The following RNF38 variants were observed in gnomAD, a reference collection of about 807,000 sequenced individuals.
RNF38 encodes the protein E3 ubiquitin-protein ligase RNF38.
In RNF38, 15 loss-of-function variants were observed where a neutral mutation model predicts 67.2. The ratio of observed to expected loss-of-function variants is 0.22; its 90% CI spans 0.15 to 0.34. The LOEUF is 0.34. Ranked by LOEUF, RNF38 falls within the 10% of genes least tolerant of loss-of-function variation. The pLI is 1.00. For synonymous variants in RNF38, 220 were observed against 218.8 expected, an observed-to-expected ratio of 1.01 and a Z score of -0.05; for missense variants, 524 against 639.9, an observed-to-expected ratio of 0.82 and a Z score of 1.95.
At chr9:36,424,819 A>G (rs1245991509) in intron 1 of RNF38, 1 of 181,912 alleles carries the variant, frequency 5.5e-6, no homozygotes, top group Admixed American at 6.5e-5. Context: ...GGGGATTATT[A>G]TTCATGCATT....
At position 36,487,276 on chromosome 9, in the gene RNF38, C is replaced by T. The variant is rs1840440458; in HGVS notation, n.241+32G>A. On this transcript the variant is annotated intron_variant and non_coding_transcript_variant, in intron 1 of 3. Transcript: ENST00000488058. ...CCACCCGCGGGACCGACCCACGCCC[C>T]TCCCTGCCTGGCCCGCTCCGGGACC... 3 of 984,422 alleles carry T rather than the reference C, an allele frequency of 3.0e-6. No individual in the cohort carries two copies. In the African/African-American group the frequency reaches 5.2e-5, roughly 17 times the overall value. The allele number at this position is 984,422 out of a possible 1,614,324, so 61.0% of individuals were successfully genotyped here.
intron 2 of RNF38, among the ~76,000 whole-genome samples, chr9:36,383,784 T>A (rs1238959285): frequency 1.3e-5 from 2 of 152,032 alleles, no homozygotes; most frequent in Admixed American, 1.3e-4. Context: ...AACAAAAAAA[T>A]TTTGCTCTTT....
intron 1 of RNF38, among the ~76,000 whole-genome samples, chr9:36,438,384 A>T (rs774345212): frequency 3.9e-5 from 6 of 152,072 alleles, no homozygotes; most frequent in Non-Finnish European, 7.4e-5. Flanking sequence ...ACAAATTCAT[A>T]AACTTTCTTA....
chr9:36,385,285 G>A (rs1007169543), intron 2 of RNF38, among the ~76,000 whole-genome samples: 11 of 151,868 alleles, frequency 7.2e-5, no homozygotes, highest in Admixed American at 7.2e-4. Context: ...GGTGGACCAA[G>A]AAGTAGCTCC....
intron 3 of RNF38, chr9:36,372,562 G>A (rs1835469014): frequency 2.8e-6 from 2 of 714,710 alleles, no homozygotes; most frequent in African/African-American, 1.8e-5. Context: ...CCTGTTTCTG[G>A]GAGAAAATCT....
chr9:36,413,061 A>G (rs987524147), intron 2 of RNF38, among the ~76,000 whole-genome samples: 1 of 151,718 alleles, frequency 6.6e-6, no homozygotes, highest in African/African-American at 2.4e-5. Context: ...AACAAGAGCG[A>G]GAGTCCATCT....
intron 9 of RNF38, among the ~76,000 whole-genome samples, chr9:36,347,842 C>A (rs1385013214): frequency 6.6e-6 from 1 of 152,058 alleles, no homozygotes; most frequent in Non-Finnish European, 1.5e-5. Context: ...CTTTGGGAGG[C>A]TGAGCGGGTG....
intron 1 of RNF38, among the ~76,000 whole-genome samples, chr9:36,433,634 C>G (rs1485697836): frequency 6.8e-6 from 1 of 147,982 alleles, no homozygotes; most frequent in Non-Finnish European, 1.5e-5. Context: ...TTGTAGTAAG[C>G]TGAGACTGTG....
At chr9:36,358,512 T>C (rs1455816535) in intron 4 of RNF38, among the ~76,000 whole-genome samples, 1 of 152,202 alleles carries the variant, frequency 6.6e-6, no homozygotes, top group Non-Finnish European at 1.5e-5. Context: ...AGAAATGAGA[T>C]CATACTACCC....
At chr9:36,483,560 T>C (rs1377888667) in intron 1 of RNF38, among the ~76,000 whole-genome samples, 2 of 152,100 alleles carry the variant, frequency 1.3e-5, no homozygotes, top group South Asian at 2.1e-4. Flanking sequence ...AAAGGTCTAG[T>C]AGAGAAGGAA....
intron 2 of RNF38, among the ~76,000 whole-genome samples, chr9:36,379,161 A>C (rs1434508330): frequency 2.0e-5 from 3 of 152,132 alleles, no homozygotes; most frequent in African/African-American, 7.2e-5. Context: ...TGGCCTCCCA[A>C]AGTGTTGGGA....
intron 1 of RNF38, among the ~76,000 whole-genome samples, chr9:36,485,372 C>A (rs1840381894): frequency 6.6e-6 from 1 of 151,388 alleles, no homozygotes; most frequent in Non-Finnish European, 1.5e-5. Flanking sequence ...CACCTTCACA[C>A]TAAACACCAA....
intron 2 of RNF38, among the ~76,000 whole-genome samples, chr9:36,382,704 A>G (rs1285076145): frequency 1.3e-5 from 2 of 152,216 alleles, no homozygotes; most frequent in Non-Finnish European, 1.5e-5. Flanking sequence ...AAAGCAGCAA[A>G]GAGGCAACTT....
At chr9:36,452,024 C>T (rs998460077) in intron 1 of RNF38, among the ~76,000 whole-genome samples, 3 of 151,940 alleles carry the variant, frequency 2.0e-5, no homozygotes, top group African/African-American at 7.3e-5. Flanking sequence ...CAAGAATAGC[C>T]TGGGCCACAT....
chr9:36,454,580 C>CTTTTTTTTTTT (rs377679133), intron 1 of RNF38, among the ~76,000 whole-genome samples: 1 of 112,466 alleles, frequency 8.9e-6, no homozygotes, highest in African/African-American at 3.4e-5. Flanking sequence ...CATTAATTTA[C>CTTTTTTTTTTT]TTTTTTTTTT....
At position 36,473,063 on chromosome 9, in the gene RNF38, C is replaced by T. The variant is rs572297001; in HGVS notation, n.241+14245G>A. Among the ~76,000 whole-genome samples, 9 of 151,316 alleles carry T rather than the reference C, an allele frequency of 5.9e-5. No homozygotes were observed. In the South Asian group the frequency reaches 1.9e-3, roughly 32 times the overall value. On this transcript the variant is annotated intron_variant and non_coding_transcript_variant, in intron 1 of 3. Coordinates refer to the RNF38 transcript ENST00000488058. ...AGGAGAATCACTTGAACCCAGGAGG[C>T]GGAAGCTGCAGTGAGCCAAGATCAC...
At chr9:36,349,604 G>A (rs940523565) in intron 9 of RNF38, among the ~76,000 whole-genome samples, 16 of 151,796 alleles carry the variant, frequency 1.1e-4, no homozygotes, top group Admixed American at 2.0e-4. Flanking sequence ...TTTCTTTTGC[G>A]GTACAGAAGC....
At chr9:36,439,433 G>A (rs1022409265) in intron 1 of RNF38, among the ~76,000 whole-genome samples, 1 of 152,042 alleles carries the variant, frequency 6.6e-6, no homozygotes, top group Non-Finnish European at 1.5e-5. Flanking sequence ...ATACAAGGTT[G>A]TTGCGAAGCT....
At chr9:36,400,590 G>T, upstream of RNF38, 1 of 986,572 alleles carries the variant, frequency 1.0e-6, no homozygotes, top group African/African-American at 1.7e-5. Context: ...GGCAGCTCCC[G>T]CGGATCCTCG....
Sources: allele counts gnomAD v4.1 joint callset (sites outside exome capture counted in the v4.1 genomes callset), GRCh38; gene constraint gnomAD v4.1.1; transcripts MANE v1.5; gene names NCBI Gene and HGNC (gene_info 2026-07-23, HGNC 2026-07-21).